PCDH11X: variants seen among roughly 807,000 people sequenced by gnomAD.
The protein encoded by PCDH11X is protocadherin-11 X-linked.
A neutral mutation model predicts 53.3 loss-of-function variants in PCDH11X; 18 were observed. The ratio of observed to expected loss-of-function variants is 0.34; its 90% CI spans 0.23 to 0.50. The LOEUF (loss-of-function observed/expected upper bound fraction) is 0.50, where lower values mean the gene tolerates loss of function less well. Among genes scored for constraint, PCDH11X ranks in the 20% least tolerant of loss-of-function variants. The probability of loss-of-function intolerance (pLI) is 0.98; values close to 1 mark genes in which losing one functional copy is unlikely to be tolerated. For synonymous variants in PCDH11X, 279 were observed against 393.3 expected, an observed-to-expected ratio of 0.71 and a Z score of 3.44; for missense variants, 570 against 1,032.4, an observed-to-expected ratio of 0.55 and a Z score of 6.14.
intron 10 of PCDH11X, among the ~76,000 whole-genome samples, chrX:92,560,493 G>T (rs1340263950): frequency 1.8e-5 from 2 of 108,847 alleles, no homozygotes; most frequent in African/African-American, 6.7e-5. Flanking sequence ...GCAGGCCCTT[G>T]CTTTCCTTGT....
At chrX:92,253,146 A>T (rs2067493282) in intron 7 of PCDH11X, among the ~76,000 whole-genome samples, 1 of 111,613 alleles carries the variant, frequency 9.0e-6, no homozygotes, top group African/African-American at 3.3e-5. Context: ...CCTTGACCTC[A>T]CTCTTCTACA....
chrX:92,540,504 G>T lies in PCDH11X; in HGVS notation c.3367+72182G>T, dbSNP rs144328039. ...GCACGTCCAGAATTGCTGTCCAAAA[G>T]TCTAGACCAGGACTTGACACCAAGA... On this transcript the variant is annotated intron_variant, in intron 10 of 10. Transcript: ENST00000682573. Among the ~76,000 whole-genome samples the T allele has an allele frequency of 4.9e-3, 518 of 105,284 alleles. 4 individuals carry two copies. In the South Asian group the frequency reaches 0.073, roughly 15 times the overall value. 91.4% of individuals were successfully genotyped at this position (105,284 alleles called of 115,157 possible).
At position 92,230,715 on chromosome X, in the gene PCDH11X, G is replaced by A. The variant is rs2067060976; in HGVS notation, c.3114+29260G>A. 2.9e-5 allele frequency among the ~76,000 whole-genome samples: 3 copies of A among 102,804 alleles called. No individual in the cohort carries two copies. In the South Asian group the frequency reaches 1.3e-3, roughly 43 times the overall value. The allele number at this position is 102,804 out of a possible 115,157, so 89.3% of individuals were successfully genotyped here. On this transcript the variant is annotated intron_variant, in intron 7 of 10. Coordinates refer to ENST00000682573, the MANE Select transcript of PCDH11X (RefSeq NM_032968.5). ...GAGTGACCAATGGAGCTGGTATCCT[G>A]GGAATTCCTTTTACTTTTCAGATGA...
intron 7 of PCDH11X, among the ~76,000 whole-genome samples, chrX:92,239,152 T>A (rs1042377370): frequency 1.8e-5 from 2 of 111,845 alleles, no homozygotes; most frequent in Non-Finnish European, 3.8e-5. Flanking sequence ...AATGAGTGAA[T>A]CACTCCTTAA....
At chrX:92,073,809 G>A (rs2063737615) in intron 6 of PCDH11X, among the ~76,000 whole-genome samples, 1 of 111,362 alleles carries the variant, frequency 9.0e-6, no homozygotes, top group Non-Finnish European at 1.9e-5. Context: ...GTTTTGTACA[G>A]AAAAATAGTT....
chrX:92,525,612 C>T (rs1224041129), intron 10 of PCDH11X, among the ~76,000 whole-genome samples: 5 of 74,326 alleles, frequency 6.7e-5, no homozygotes, highest in Non-Finnish European at 1.2e-4. Context: ...GCCTGGGCTA[C>T]AAGAGCAAAA....
intron 5 of PCDH11X, among the ~76,000 whole-genome samples, chrX:91,837,382 C>T (rs1569405009): frequency 9.0e-6 from 1 of 111,381 alleles, no homozygotes; most frequent in South Asian, 3.7e-4. Flanking sequence ...TTTCGAGGTT[C>T]CTCAAAAAAA....
chrX:91,799,868 C>T (rs963283089), intron 1 of PCDH11X, among the ~76,000 whole-genome samples: 1 of 111,395 alleles, frequency 9.0e-6, no homozygotes, highest in African/African-American at 3.3e-5. Context: ...GTGAGTGGAT[C>T]GCTTGAGGCC....
At chrX:92,316,418 G>A (rs1474468132) in intron 8 of PCDH11X, among the ~76,000 whole-genome samples, 1 of 109,407 alleles carries the variant, frequency 9.1e-6, no homozygotes, top group Non-Finnish European at 1.9e-5. Flanking sequence ...TTCAAAAGGA[G>A]TTCCCCAATT....
intron 6 of PCDH11X, among the ~76,000 whole-genome samples, chrX:91,964,718 T>G (rs1291962059): frequency 8.9e-6 from 1 of 112,379 alleles, no homozygotes; most frequent in Non-Finnish European, 1.9e-5. Flanking sequence ...AGGACTTACA[T>G]GTGCTTTGTT....
intron 10 of PCDH11X, among the ~76,000 whole-genome samples, chrX:92,535,723 G>A (rs1399298602): frequency 1.8e-5 from 2 of 111,461 alleles, no homozygotes; most frequent in African/African-American, 6.5e-5. Context: ...AGAAATTGAG[G>A]CAAAGATAGG....
At chrX:92,342,539 CAT>C (rs1250897004) in intron 8 of PCDH11X, among the ~76,000 whole-genome samples, 4 of 111,709 alleles carry the variant, frequency 3.6e-5, no homozygotes, top group African/African-American at 1.3e-4. Flanking sequence ...GGAACAAAAT[CAT>C]ATCCTGTGCA....
chrX:92,618,832 T>A lies in PCDH11X; in HGVS notation c.3936T>A (p.His1312Gln), dbSNP rs1355655229. 1 of 1,211,988 alleles carries A rather than the reference T, an allele frequency of 8.3e-7. No individual in the cohort carries two copies. The highest frequency in any genetic ancestry group is 2.2e-5 in the Admixed American group (1 of 46,068). ...TTTACACCATGTCTGAAAGACTTCATCCCAGTGATGATTCAATTAAAGTCA... is the reference window on the plus strand; with the variant it reads ...TTTACACCATGTCTGAAAGACTTCAACCCAGTGATGATTCAATTAAAGTCA... ...SQFYTMSERL[H>Q]PSDDSIKVIP... is the part of the protein sequence containing the mutation. The change falls in exon 11 of 11, where the codon CAT (histidine) becomes CAA (glutamine). Residue 1312 changes from histidine (H) to glutamine (Q), a missense_variant. His to Gln is a conservative substitution (Grantham distance 24). This residue lies in a region of PCDH11X where 234 missense variants were observed against 296.1 expected (regional missense o/e 0.79). Transcript: ENST00000682573.
intron 8 of PCDH11X, among the ~76,000 whole-genome samples, chrX:92,290,946 C>T (rs973864043): frequency 2.0e-5 from 2 of 98,895 alleles, no homozygotes; most frequent in Non-Finnish European, 4.1e-5. Flanking sequence ...CTGTAACTCA[C>T]GTTGGAGTGC....
chrX:91,828,023 G>T (rs1209453067), intron 4 of PCDH11X, among the ~76,000 whole-genome samples: 1 of 110,560 alleles, frequency 9.0e-6, no homozygotes, highest in Admixed American at 9.7e-5. Context: ...AAATTGTTTT[G>T]GGTAGTATCC....
intron 10 of PCDH11X, chrX:92,515,431 G>T: frequency 9.4e-6 from 3 of 319,026 alleles, no homozygotes; most frequent in Non-Finnish European, 1.4e-5. Context: ...CTGGGGGACC[G>T]GTAGGCGTCA....
chrX:92,077,863 C>CTTAAATGAATAT (rs2063799144), intron 6 of PCDH11X, among the ~76,000 whole-genome samples: 1 of 109,891 alleles, frequency 9.1e-6, no homozygotes, highest in African/African-American at 3.3e-5. Context: ...GTATTTTTGA[C>CTTAAATGAATAT]CTCCCAAAAC....
chrX:92,176,600 TAAC>T (rs2065912797), intron 6 of PCDH11X, among the ~76,000 whole-genome samples: 1 of 112,117 alleles, frequency 8.9e-6, no homozygotes, highest in Admixed American at 9.5e-5. Flanking sequence ...ATGAACTAGA[TAAC>T]ATATTCAGTG....
chrX:92,613,691 AAGATC>A (rs1030434426), intron 10 of PCDH11X, among the ~76,000 whole-genome samples: 1 of 109,565 alleles, frequency 9.1e-6, no homozygotes, highest in Non-Finnish European at 1.9e-5. Flanking sequence ...TCTCTCTAGC[AAGATC>A]AGAGAACTTT....
Sources: allele counts gnomAD v4.1 joint callset (sites outside exome capture counted in the v4.1 genomes callset), GRCh38; gene constraint gnomAD v4.1.1; regional missense constraint gnomAD v4.1.1; transcripts MANE v1.5; gene names NCBI Gene and HGNC (gene_info 2026-07-23, HGNC 2026-07-21).